VTCN1: variants seen among roughly 807,000 people sequenced by gnomAD.
VTCN1 encodes the protein V-set domain-containing T-cell activation inhibitor 1.
Under a neutral mutation model 26.5 loss-of-function variants are expected in VTCN1, and 26 were observed. The ratio of observed to expected loss-of-function variants is 0.98; its 90% CI spans 0.72 to 1.36. The LOEUF (loss-of-function observed/expected upper bound fraction) is 1.36, where lower values mean the gene tolerates loss of function less well. VTCN1 is among the 40% of genes most tolerant of loss of function. VTCN1 has a pLI of 0.00. For missense variants in VTCN1, 298 were observed against 337.7 expected (o/e 0.88, Z 0.92); for synonymous variants, 116 against 130.7 (o/e 0.89, Z 0.77).
At chr1:117,178,283 GTC>G (rs1253500466) in intron 1 of VTCN1, among the ~76,000 whole-genome samples, 2 of 143,166 alleles carry the variant, frequency 1.4e-5, no homozygotes, top group African/African-American at 2.6e-5. Context: ...TTGAGATGGA[GTC>G]TCTCTCTGTG....
intron 3 of VTCN1, among the ~76,000 whole-genome samples, chr1:117,153,983 A>G (rs1356132461): frequency 1.3e-5 from 2 of 152,162 alleles, no homozygotes; most frequent in Admixed American, 1.3e-4. Context: ...TGAAATTAAG[A>G]CTTAGCTTCC....
At chr1:117,166,771 A>G (rs970456559) in intron 2 of VTCN1, among the ~76,000 whole-genome samples, 1 of 152,014 alleles carries the variant, frequency 6.6e-6, no homozygotes, top group African/African-American at 2.4e-5. Flanking sequence ...TTGGTTTATC[A>G]GTCTATATTT....
At chr1:117,210,667 T>C (rs1649305664) in intron 1 of VTCN1, among the ~76,000 whole-genome samples, 157 bp downstream of exon 1, 1 of 152,178 alleles carries the variant, frequency 6.6e-6, no homozygotes, top group Admixed American at 6.5e-5. Flanking sequence ...CAAATCCAGT[T>C]AGGCTCTTGT....
intron 1 of VTCN1, 109 bp downstream of exon 1, chr1:117,210,715 A>G (rs1649307641): frequency 3.3e-6 from 4 of 1,214,494 alleles, no homozygotes; most frequent in Non-Finnish European, 4.8e-6. Flanking sequence ...TGGATCAGAT[A>G]AAATTACAGG....
At chr1:117,210,315 G>T (rs79118438) in intron 1 of VTCN1, among the ~76,000 whole-genome samples, 1 of 152,034 alleles carries the variant, frequency 6.6e-6, no homozygotes, top group African/African-American at 2.4e-5. Flanking sequence ...CCTGGGGAGG[G>T]GTGTTGGTGT....
intron 3 of VTCN1, among the ~76,000 whole-genome samples, chr1:117,154,462 A>C (rs1049438320): frequency 6.6e-6 from 1 of 152,250 alleles, no homozygotes; most frequent in Non-Finnish European, 1.5e-5. Flanking sequence ...TAATGTCAAC[A>C]TCTTAACCAA....
intron 1 of VTCN1, among the ~76,000 whole-genome samples, chr1:117,204,546 G>A (rs1347232245): frequency 1.3e-5 from 2 of 152,168 alleles, no homozygotes; most frequent in South Asian, 2.1e-4. Context: ...CTTAGCTAGG[G>A]TCCCTGGGCA....
intron 1 of VTCN1, among the ~76,000 whole-genome samples, chr1:117,203,285 G>C (rs1324860924): frequency 1.3e-5 from 2 of 152,010 alleles, no homozygotes; most frequent in Non-Finnish European, 2.9e-5. Flanking sequence ...ATTGAAGAGG[G>C]AAGAGAGGTA....
intron 1 of VTCN1, among the ~76,000 whole-genome samples, chr1:117,178,318 G>A (rs567692326): frequency 8.9e-4 from 130 of 146,494 alleles, no homozygotes; most frequent in African/African-American, 1.3e-3. Flanking sequence ...GTGCAGTGTC[G>A]TGATCTTGGC....
chr1:117,177,116 A>AAAAAGG (rs1296732996), intron 1 of VTCN1, among the ~76,000 whole-genome samples: 51 of 152,306 alleles, frequency 3.3e-4, no homozygotes, highest in African/African-American at 1.2e-3. Context: ...CCAAAAAAAC[A>AAAAAGG]AAAAAGGAAA....
chr1:117,204,347 A>T (rs1648938982), intron 1 of VTCN1, among the ~76,000 whole-genome samples: 1 of 152,184 alleles, frequency 6.6e-6, no homozygotes, highest in Admixed American at 6.5e-5. Flanking sequence ...AGATTAAGTA[A>T]CTTCCTTGAG....
At chr1:117,174,164 A>G (rs1376416651) in intron 1 of VTCN1, among the ~76,000 whole-genome samples, 1 of 152,186 alleles carries the variant, frequency 6.6e-6, no homozygotes, top group Non-Finnish European at 1.5e-5. Flanking sequence ...TCCAATAACT[A>G]TGCTGCAGGA....
In VTCN1 at chr1:117,146,850, G is replaced by C. The variant is rs1651537444; in HGVS notation, c.*45+763C>G. ...CGTGTTTCCTATCAGCTAAAACAGGGAAAGGAAGGAGCAGGTACAGTGTTT... is the reference window on the plus strand; with the variant it reads ...CGTGTTTCCTATCAGCTAAAACAGGCAAAGGAAGGAGCAGGTACAGTGTTT... On this transcript the variant is annotated intron_variant, in intron 5 of 5. Coordinates refer to ENST00000369458, the MANE Select transcript of VTCN1 (RefSeq NM_024626.4). This position sits in a 1 kb window ranked among gnomAD's most constrained non-coding sequence, Gnocchi z 4.2. 6.6e-6 allele frequency among the ~76,000 whole-genome samples: 1 copy of C among 152,160 alleles called. No homozygotes were observed. Among genetic ancestry groups the C allele is most frequent in the South Asian group, 2.1e-4 (1 of 4,828 alleles).
In VTCN1 at chr1:117,147,742, G is replaced by A. The variant is rs2101423272; in HGVS notation, c.765C>T (p.Asn255=). The A allele has an allele frequency of 1.2e-6, 2 of 1,614,068 alleles. No individual in the cohort carries two copies. The highest frequency in any genetic ancestry group is 2.2e-5 in the East Asian group (1 of 44,882). ...AAGAGACACACAGAGAAGCCTTTGA[G>A]TTTAGCAGCTGTAGGTGACTCCGCC... ...IKRRSHLQLL[N]SKASLCVSSF... is the part of the protein sequence containing the mutation. The change falls in exon 5 of 6, where the codon AAC becomes AAT. Residue 255 remains asparagine (N), a synonymous_variant. Coordinates refer to ENST00000369458, the MANE Select transcript of VTCN1 (RefSeq NM_024626.4). This position sits in a 1 kb window ranked among gnomAD's most constrained non-coding sequence, Gnocchi z 4.6.
chr1:117,172,363 G>A (rs773558041), intron 1 of VTCN1: 2 of 518,758 alleles, frequency 3.9e-6, no homozygotes, highest in Middle Eastern at 3.2e-4. Context: ...CTGCTAAATT[G>A]ATTCCAAGGG....
At chr1:117,178,879 C>T (rs1055548345) in intron 1 of VTCN1, among the ~76,000 whole-genome samples, 2 of 152,088 alleles carry the variant, frequency 1.3e-5, no homozygotes, top group Non-Finnish European at 2.9e-5. Flanking sequence ...CATGAGCCAC[C>T]ACACCCAGCC....
intron 1 of VTCN1, among the ~76,000 whole-genome samples, chr1:117,199,182 G>T (rs1648669070): frequency 1.3e-5 from 2 of 149,856 alleles, no homozygotes; most frequent in Non-Finnish European, 3.0e-5. Context: ...ATTTTTAAAG[G>T]GATTACATTT....
intron 1 of VTCN1, among the ~76,000 whole-genome samples, chr1:117,190,664 C>T (rs57706779): frequency 6.6e-6 from 1 of 152,232 alleles, no homozygotes; most frequent in Non-Finnish European, 1.5e-5. Context: ...GGCCCACCAA[C>T]AGTGGACCCT....
In VTCN1 at chr1:117,179,720, G is replaced by A. The variant is rs375359825; in HGVS notation, c.33-9549C>T. Among the ~76,000 whole-genome samples, 50 of 152,246 alleles carry A rather than the reference G, an allele frequency of 3.3e-4. 2 individuals carry two copies. The South Asian group carries it at 0.01, about 31-fold the overall frequency. On this transcript the variant is annotated intron_variant, in intron 1 of 5. Transcript: ENST00000369458. ...TTGATATTCCCTGGGATTTGCTCTG[G>A]CCTTGGCTTTGTCTGCACATGCCTC...
Sources: allele counts gnomAD v4.1 joint callset (sites outside exome capture counted in the v4.1 genomes callset), GRCh38; gene constraint gnomAD v4.1.1; non-coding constraint Gnocchi (gnomAD v3.1); transcripts MANE v1.5; gene names NCBI Gene and HGNC (gene_info 2026-07-23, HGNC 2026-07-21).